Variants in SH3PXD2A observed in about 807,000 individuals in gnomAD.
The protein encoded by SH3PXD2A is SH3 and PX domains 2A.
In SH3PXD2A, 32 loss-of-function variants were observed where a neutral mutation model predicts 115.2. The ratio of observed to expected loss-of-function variants is 0.28; its 90% CI spans 0.21 to 0.37. The LOEUF (loss-of-function observed/expected upper bound fraction) is 0.37. SH3PXD2A is among the 10% of genes least tolerant of loss of function. The pLI is 1.00. For missense variants in SH3PXD2A, 1,328 were observed against 1,498.7 expected (o/e 0.89, Z 1.88); for synonymous variants, 610 against 629.1 (o/e 0.97, Z 0.45).
rs535740876 is a variant in SH3PXD2A at position 103,844,413 on chromosome 10, C to G, written c.72+10782G>C. Among the ~76,000 whole-genome samples, 9 of 152,342 alleles carry G rather than the reference C, an allele frequency of 5.9e-5. No homozygotes were observed. The East Asian group carries it at 1.7e-3, about 29-fold the overall frequency. On this transcript the variant is annotated intron_variant, in intron 1 of 14. Coordinates refer to ENST00000369774, the MANE Select transcript of SH3PXD2A (RefSeq NM_001394015.1). ...CACACAGGCAAGTCCCTTAAAATAG[C>G]CTTTTGGGTCTGGGCCATCAGGAAA...
chr10:103,603,428 G>A lies in SH3PXD2A; in HGVS notation c.1790C>T (p.Ser597Phe). 2 of 1,613,866 alleles carry A rather than the reference G, an allele frequency of 1.2e-6. No individual in the cohort carries two copies. Among genetic ancestry groups the A allele is most frequent in the South Asian group, 2.2e-5 (2 of 91,070 alleles). The part of the protein sequence containing the change: ...AQPHRPSPAS[S>F]LQRARFKVGE... ...CACCTTGAAGCGGGCCCGCTGCAGA[G>A]AAGAGGCCGGCGAGGGCCGGTGGGG... The change falls in exon 15 of 15, where the codon TCT becomes TTT. Residue 597 changes from serine to phenylalanine, a missense_variant. This residue lies in a region of SH3PXD2A where 509 missense variants were observed against 628.3 expected (regional missense o/e 0.81). Transcript: ENST00000369774.
intron 5 of SH3PXD2A, among the ~76,000 whole-genome samples, chr10:103,701,512 C>T (rs932261325): frequency 6.8e-6 from 1 of 148,028 alleles, no homozygotes; most frequent in African/African-American, 2.5e-5. Context: ...TTCATCCATC[C>T]ATCCATCATC....
intron 2 of SH3PXD2A, among the ~76,000 whole-genome samples, 169 bp from the exon 3 acceptor site, chr10:103,767,338 G>A (rs1304812703): frequency 6.6e-6 from 1 of 152,182 alleles, no homozygotes; most frequent in African/African-American, 2.4e-5. Context: ...GGGCATGAGA[G>A]GGAGGAGGCC....
chr10:103,702,180 C>A (rs766362487), intron 5 of SH3PXD2A, among the ~76,000 whole-genome samples: 5 of 152,228 alleles, frequency 3.3e-5, no homozygotes, highest in Non-Finnish European at 7.3e-5. Context: ...ATCCATCCAT[C>A]CATCATTCAT....
At chr10:103,701,706 C>G (rs2037910550) in intron 5 of SH3PXD2A, among the ~76,000 whole-genome samples, 1 of 149,060 alleles carries the variant, frequency 6.7e-6, no homozygotes, top group Non-Finnish European at 1.5e-5. Flanking sequence ...AGCCATCCAT[C>G]CATCCATCAT....
chr10:103,790,063 A>G (rs1291605870), intron 2 of SH3PXD2A, among the ~76,000 whole-genome samples: 2 of 152,156 alleles, frequency 1.3e-5, no homozygotes, highest in Non-Finnish European at 2.9e-5. Context: ...CTCTCTAGGC[A>G]GAGTGAATGG....
Position 103,603,162 on chromosome 10 carries a change from A to G in SH3PXD2A, c.2056T>C (p.Ser686Pro). The change falls in exon 15 of 15, where the codon TCC becomes CCC. Residue 686 changes from serine to proline, a missense_variant. Ser to Pro is a moderately conservative substitution (Grantham distance 74). Transcript: ENST00000369774. ...ATGGATGAGGAAAAGGAGGCTGAGG[A>G]GTGGTTCTTCCCCATTTCTGCCTGG... ...NAQAEMGKNH[S>P]SASFSSSITI... 1 of 1,613,822 alleles carries G rather than the reference A, an allele frequency of 6.2e-7. No individual in the cohort carries two copies. Among genetic ancestry groups the G allele is most frequent in the Non-Finnish European group, 8.5e-7 (1 of 1,179,994 alleles).
chr10:103,647,356 AATGGAT>A (rs2037051342), intron 8 of SH3PXD2A, among the ~76,000 whole-genome samples: 1 of 152,078 alleles, frequency 6.6e-6, no homozygotes, highest in Non-Finnish European at 1.5e-5. Flanking sequence ...CCACTTCTAG[AATGGAT>A]TTTCTCCTTC....
rs1479361956 is a variant in SH3PXD2A, at chr10:103,666,780, A to C, written c.472+1828T>G. On this transcript the variant is annotated intron_variant, in intron 7 of 14. Coordinates refer to ENST00000369774, the MANE Select transcript of SH3PXD2A (RefSeq NM_001394015.1). The surrounding 1 kb of genome is among the most constrained non-coding windows in gnomAD (Gnocchi z 4.5). ...ATGGAAATCATAGATGGTCATTTTA[A>C]AGCAAGTGGAGGGAATGGGAGATCT... Among the ~76,000 whole-genome samples, 1 of 152,208 alleles carries C rather than the reference A, an allele frequency of 6.6e-6. No homozygotes were observed. The highest frequency in any genetic ancestry group is 1.5e-5 in the Non-Finnish European group (1 of 68,036).
At chr10:103,810,603 G>A (rs945108753) in intron 1 of SH3PXD2A, among the ~76,000 whole-genome samples, 3 of 152,136 alleles carry the variant, frequency 2.0e-5, no homozygotes, top group Admixed American at 6.5e-5. Context: ...CCTTTGCTGC[G>A]AAGTGTGGTT....
chr10:103,696,769 T>G (rs528580326), intron 5 of SH3PXD2A, among the ~76,000 whole-genome samples: 1 of 152,252 alleles, frequency 6.6e-6, no homozygotes, highest in African/African-American at 2.4e-5. Context: ...ACAGCTCCCA[T>G]CAGACCACTC....
chr10:103,844,144 T>C (rs1204055050), intron 1 of SH3PXD2A, among the ~76,000 whole-genome samples: 1 of 152,228 alleles, frequency 6.6e-6, no homozygotes, highest in African/African-American at 2.4e-5. Flanking sequence ...AAGCATCAGT[T>C]TGCCAGCCCA....
chr10:103,742,976 C>T (rs917957450), intron 3 of SH3PXD2A, among the ~76,000 whole-genome samples: 13 of 152,010 alleles, frequency 8.6e-5, no homozygotes, highest in South Asian at 4.2e-4. Flanking sequence ...CACGCATGCT[C>T]GTGGGGTGAT....
intron 2 of SH3PXD2A, among the ~76,000 whole-genome samples, chr10:103,780,150 T>A (rs1269345227): frequency 6.6e-6 from 1 of 152,176 alleles, no homozygotes; most frequent in East Asian, 1.9e-4. Flanking sequence ...AAACAGACCC[T>A]CAGCGGGCCT....
chr10:103,680,694 G>T (rs1282849736), intron 6 of SH3PXD2A, among the ~76,000 whole-genome samples: 2 of 152,152 alleles, frequency 1.3e-5, no homozygotes, highest in Non-Finnish European at 2.9e-5. Flanking sequence ...GGCTGCTTGG[G>T]CCACACATGG....
chr10:103,766,704 G>A (rs939745273), intron 3 of SH3PXD2A, among the ~76,000 whole-genome samples: 2 of 152,218 alleles, frequency 1.3e-5, no homozygotes, highest in African/African-American at 4.8e-5. Flanking sequence ...GAGGAGATCA[G>A]ATCAGGGAGT....
intron 9 of SH3PXD2A, among the ~76,000 whole-genome samples, chr10:103,624,487 CCT>C (rs1271088020): frequency 6.6e-6 from 1 of 152,192 alleles, no homozygotes; most frequent in African/African-American, 2.4e-5. Context: ...TGGACCCGCA[CCT>C]CTGTCAGTGG....
chr10:103,724,890 G>A (rs1235538094), intron 4 of SH3PXD2A, among the ~76,000 whole-genome samples: 1 of 152,116 alleles, frequency 6.6e-6, no homozygotes, highest in Non-Finnish European at 1.5e-5. Flanking sequence ...TCTGCACACA[G>A]AATAAGTCCA....
Position 103,723,648 on chromosome 10 carries a change from G to A in SH3PXD2A, c.398+622C>T, listed in dbSNP as rs188263787. 1.1e-4 allele frequency among the ~76,000 whole-genome samples: 17 copies of A among 152,276 alleles called. No individual in the cohort carries two copies. In the East Asian group the frequency reaches 3.3e-3, roughly 29 times the overall value. On this transcript the variant is annotated intron_variant, in intron 5 of 14. Transcript: ENST00000369774. ...CAGACTTAGGTTCAGGTTTTGTCCTGTCTCCTATCAAACCATCTGCATGAC... is the reference window on the plus strand; with the variant it reads ...CAGACTTAGGTTCAGGTTTTGTCCTATCTCCTATCAAACCATCTGCATGAC...
Sources: gnomAD v4.1 joint callset for allele counts (sites outside exome capture counted in the v4.1 genomes callset) on GRCh38, gnomAD v4.1.1 for gene constraint, gnomAD v4.1.1 regional missense constraint, Gnocchi (gnomAD v3.1) non-coding constraint, MANE v1.5 for transcripts, NCBI Gene and HGNC (gene_info 2026-07-23, HGNC 2026-07-21) for gene names.